FNIP2: variants seen among roughly 807,000 people sequenced by gnomAD.
FNIP2 encodes the protein folliculin interacting protein 2, also known as folliculin-interacting protein 2.
Under a neutral mutation model 108.7 loss-of-function variants are expected in FNIP2, and 32 were observed. The ratio of observed to expected loss-of-function variants is 0.29; its 90% CI spans 0.22 to 0.40. The LOEUF is 0.40. Ranked by LOEUF, FNIP2 falls within the 10% of genes least tolerant of loss-of-function variation. The pLI is 1.00. For synonymous variants in FNIP2, 480 were observed against 496.7 expected, an observed-to-expected ratio of 0.97 and a Z score of 0.45; for missense variants, 1,202 against 1,381.6, an observed-to-expected ratio of 0.87 and a Z score of 2.06.
At chr4:158,824,501 C>A (rs1161931363) in intron 1 of FNIP2, among the ~76,000 whole-genome samples, 3 of 152,154 alleles carry the variant, frequency 2.0e-5, no homozygotes. Flanking sequence ...CAACTCTGTC[C>A]TCTGAGCATG....
At chr4:158,853,342 A>G (rs1232286391) in intron 8 of FNIP2, among the ~76,000 whole-genome samples, 2 of 152,242 alleles carry the variant, frequency 1.3e-5, no homozygotes, top group Admixed American at 6.5e-5. Context: ...GCAGTCTTAC[A>G]TAGCTTTATG....
rs142890913 is a variant in FNIP2, at chr4:158,901,252, C to T, written c.3267-3214C>T. ...AGGTTTAAGCAATTCTCTGCCTCAG[C>T]GTCCAGAGTAGCTGGGATTACAGGC... On this transcript the variant is annotated intron_variant, in intron 16 of 16. Coordinates refer to ENST00000264433, the MANE Select transcript of FNIP2 (RefSeq NM_020840.3). Among the ~76,000 whole-genome samples the T allele has an allele frequency of 4.8e-3, 720 of 151,354 alleles. 4 individuals carry two copies. The highest frequency in any genetic ancestry group is 7.7e-3 in the Non-Finnish European group (521 of 67,924).
At chr4:158,769,765 GA>G (rs566740421) in intron 1 of FNIP2, among the ~76,000 whole-genome samples, 247 of 152,238 alleles carry the variant, frequency 1.6e-3, no homozygotes, top group African/African-American at 5.5e-3. Flanking sequence ...CAACAGTCAC[GA>G]AAAAGGCATC....
chr4:158,853,825 A>G (rs1779832768), intron 8 of FNIP2, among the ~76,000 whole-genome samples: 1 of 152,208 alleles, frequency 6.6e-6, no homozygotes, highest in Non-Finnish European at 1.5e-5. Flanking sequence ...ATACAAGCTT[A>G]TTTTAATATT....
chr4:158,904,433 A>T, intron 16 of FNIP2, 33 bp from the exon 17 acceptor site: 1 of 1,541,494 alleles, frequency 6.5e-7, no homozygotes, highest in Non-Finnish European at 9.0e-7. Flanking sequence ...ATGCTCTTTT[A>T]AAGTAATATT....
At chr4:158,888,108 T>A (rs903216041) in intron 14 of FNIP2, among the ~76,000 whole-genome samples, 3 of 152,248 alleles carry the variant, frequency 2.0e-5, no homozygotes, top group African/African-American at 4.8e-5. Context: ...TCATTTCTTT[T>A]CTTGAATATT....
chr4:158,888,679 A>G (rs1560834379), intron 14 of FNIP2, among the ~76,000 whole-genome samples: 1 of 152,196 alleles, frequency 6.6e-6, no homozygotes, highest in African/African-American at 2.4e-5. Flanking sequence ...ACTTGAGGCC[A>G]GGAGTTAGAG....
chr4:158,790,845 C>CTT (rs886183838), intron 1 of FNIP2, among the ~76,000 whole-genome samples: 2 of 148,716 alleles, frequency 1.3e-5, no homozygotes, highest in African/African-American at 4.9e-5. Context: ...TTAATTTTCA[C>CTT]TTTTTTTTTT....
In FNIP2 at chr4:158,784,904, T is replaced by C. The variant is rs188335498; in HGVS notation, c.107+15585T>C. Among the ~76,000 whole-genome samples, 10 of 152,328 alleles carry C rather than the reference T, an allele frequency of 6.6e-5. No individual in the cohort carries two copies. The East Asian group carries it at 1.9e-3, about 29-fold the overall frequency. On this transcript the variant is annotated intron_variant, in intron 1 of 16. Transcript: ENST00000264433. ...ACTAGCTGTTTTTTATTTATCCAAA[T>C]ACTTTACCAGATTATACCTTGACAG... is the stretch of plus-strand genomic sequence containing the variant.
intron 1 of FNIP2, among the ~76,000 whole-genome samples, chr4:158,823,651 C>T (rs78509642): frequency 1.3e-5 from 2 of 152,292 alleles, no homozygotes; most frequent in Non-Finnish European, 2.9e-5. Context: ...TTGGGTACTG[C>T]CAGGAATCTG....
intron 1 of FNIP2, chr4:158,806,446 A>G: frequency 1.6e-6 from 2 of 1,273,302 alleles, no homozygotes; most frequent in South Asian, 1.2e-5. Context: ...AGTTGTTTCA[A>G]AGTCTCAGAT....
At chr4:158,834,182 T>C (rs1778645444) in intron 6 of FNIP2, 1 of 175,094 alleles carries the variant, frequency 5.7e-6, no homozygotes, top group Non-Finnish European at 1.2e-5. Flanking sequence ...CTTCTGCTAC[T>C]ATGAACTGTT....
intron 1 of FNIP2, among the ~76,000 whole-genome samples, chr4:158,809,862 A>G (rs901872698): frequency 3.3e-5 from 5 of 152,206 alleles, no homozygotes. Flanking sequence ...GAGTATATCC[A>G]TTTTATGTAC....
chr4:158,866,872 C>G (rs1780613723), intron 12 of FNIP2, among the ~76,000 whole-genome samples: 1 of 152,228 alleles, frequency 6.6e-6, no homozygotes, highest in Non-Finnish European at 1.5e-5. Context: ...CCACCGCACC[C>G]AGCTGAGATA....
chr4:158,904,345 T>C (rs1308547032), intron 16 of FNIP2, 121 bp from the exon 17 acceptor site: 1 of 876,488 alleles, frequency 1.1e-6, no homozygotes, highest in Non-Finnish European at 1.8e-6. Context: ...TTCATTAGTT[T>C]TAAATGATAA....
chr4:158,844,676 A>G (rs958343463), intron 7 of FNIP2, among the ~76,000 whole-genome samples: 1 of 152,246 alleles, frequency 6.6e-6, no homozygotes, highest in Non-Finnish European at 1.5e-5. Context: ...GCAGGCACTT[A>G]GTAAGTGTTC....
At chr4:158,789,822 G>A (rs1776345518) in intron 1 of FNIP2, among the ~76,000 whole-genome samples, 3 of 22,376 alleles carry the variant, frequency 1.3e-4, no homozygotes. Context: ...CAAGGGTTGT[G>A]GTAGCCTGGC....
intron 1 of FNIP2, among the ~76,000 whole-genome samples, chr4:158,790,242 C>T (rs140766971): frequency 2.6e-4 from 39 of 150,736 alleles, no homozygotes; most frequent in Middle Eastern, 3.4e-3. Flanking sequence ...TCTGATCCCT[C>T]GAGGGATTTG....
chr4:158,819,813 T>C (rs1777778299), intron 1 of FNIP2, among the ~76,000 whole-genome samples: 1 of 152,254 alleles, frequency 6.6e-6, no homozygotes, highest in Non-Finnish European at 1.5e-5. Context: ...GGTGTAACTC[T>C]TTGGGTCTCC....
Sources: allele counts gnomAD v4.1 joint callset (sites outside exome capture counted in the v4.1 genomes callset), GRCh38; gene constraint gnomAD v4.1.1; transcripts MANE v1.5; gene names NCBI Gene and HGNC (gene_info 2026-07-23, HGNC 2026-07-21).